KCNAB1: variants seen among roughly 807,000 people sequenced by gnomAD.
KCNAB1 encodes voltage-gated potassium channel subunit beta-1.
Under a neutral mutation model 64.6 loss-of-function variants are expected in KCNAB1, and 35 were observed. The observed-to-expected ratio is 0.54, with a 90% CI of 0.41 to 0.72. The LOEUF (loss-of-function observed/expected upper bound fraction) is 0.72. Among genes scored for constraint, KCNAB1 ranks in the 30% least tolerant of loss-of-function variants. KCNAB1 has a pLI of 0.00. For synonymous variants in KCNAB1, 177 were observed against 183.8 expected (o/e 0.96, Z 0.30); for missense variants, 401 against 512.9 (o/e 0.78, Z 2.11).
chr3:156,485,587 ATTT>A (rs1236298050), intron 8 of KCNAB1, among the ~76,000 whole-genome samples: 1 of 151,576 alleles, frequency 6.6e-6, no homozygotes, highest in Non-Finnish European at 1.5e-5. Context: ...TGACTGTTAA[ATTT>A]TTTTATTTTA....
At chr3:156,352,367 A>G (rs978497747) in intron 1 of KCNAB1, among the ~76,000 whole-genome samples, 1 of 152,144 alleles carries the variant, frequency 6.6e-6, no homozygotes, top group African/African-American at 2.4e-5. Context: ...CTTTCCCATC[A>G]ACTCTGAAGG....
intron 1 of KCNAB1, among the ~76,000 whole-genome samples, chr3:156,207,295 T>G (rs1323508430): frequency 6.6e-6 from 1 of 152,196 alleles, no homozygotes; most frequent in Non-Finnish European, 1.5e-5. Context: ...GTATTTATAC[T>G]CTCCTTGCAG....
rs144434286 is a variant in KCNAB1 at position 156,208,526 on chromosome 3, C to T, written c.275+87640C>T. ...ATTTCCAAATGACCCCTCTGAGTCA[C>T]TAACAGACTTGGCTAAGAACATCTC... On this transcript the variant is annotated intron_variant, in intron 1 of 13. Coordinates refer to ENST00000490337, the MANE Select transcript of KCNAB1 (RefSeq NM_172160.3). 2.8e-3 allele frequency among the ~76,000 whole-genome samples: 422 copies of T among 152,264 alleles called. 3 individuals are homozygous for T. Among genetic ancestry groups the T allele is most frequent in the African/African-American group, 9.4e-3 (390 of 41,532 alleles).
chr3:156,438,300 C>T (rs1008003959), intron 2 of KCNAB1, among the ~76,000 whole-genome samples: 1 of 152,186 alleles, frequency 6.6e-6, no homozygotes, highest in Non-Finnish European at 1.5e-5. Context: ...AGGGCAGATG[C>T]CACTTTTGAT....
At chr3:156,385,167 C>A (rs1712492614) in intron 1 of KCNAB1, among the ~76,000 whole-genome samples, 3 of 152,156 alleles carry the variant, frequency 2.0e-5, no homozygotes, top group Non-Finnish European at 4.4e-5. Flanking sequence ...CTTTCTAAAT[C>A]TGGGGCTTTG....
chr3:156,155,133 A>G (rs1298644727), intron 1 of KCNAB1, among the ~76,000 whole-genome samples: 1 of 152,192 alleles, frequency 6.6e-6, no homozygotes, highest in Non-Finnish European at 1.5e-5. Context: ...TTACAAAGCT[A>G]TTTTGTATGA....
chr3:156,143,160 T>C, intron 1 of KCNAB1: 3 of 1,568,938 alleles, frequency 1.9e-6, no homozygotes, highest in Non-Finnish European at 1.7e-6. Flanking sequence ...TTAGCTTTGC[T>C]TCCTTGGGTT....
chr3:156,363,500 G>A (rs1373490993), intron 1 of KCNAB1, among the ~76,000 whole-genome samples: 1 of 150,230 alleles, frequency 6.7e-6, no homozygotes, highest in East Asian at 2.0e-4. Flanking sequence ...TTTTGAGACA[G>A]CGTCTTGCTC....
chr3:156,152,279 G>A (rs1452765055), intron 1 of KCNAB1, among the ~76,000 whole-genome samples: 1 of 152,158 alleles, frequency 6.6e-6, no homozygotes, highest in Non-Finnish European at 1.5e-5. Context: ...CGTTAAGAGG[G>A]GTAAGGCCCT....
At chr3:156,126,121 C>T (rs2108258170) in intron 1 of KCNAB1, among the ~76,000 whole-genome samples, 1 of 151,860 alleles carries the variant, frequency 6.6e-6, no homozygotes, top group South Asian at 2.1e-4. Context: ...GAAGAGTGAG[C>T]AGAGGTGCAG....
At chr3:156,235,160 G>T (rs1007124297) in intron 1 of KCNAB1, among the ~76,000 whole-genome samples, 1 of 152,152 alleles carries the variant, frequency 6.6e-6, no homozygotes, top group Admixed American at 6.5e-5. Flanking sequence ...TGCTGAATTC[G>T]TACACATCAG....
chr3:156,311,444 G>A (rs1376467557), intron 1 of KCNAB1, among the ~76,000 whole-genome samples: 2 of 152,228 alleles, frequency 1.3e-5, no homozygotes, highest in Non-Finnish European at 2.9e-5. Flanking sequence ...GGAGAAGGTA[G>A]GGGTTGGGTC....
chr3:156,222,329 C>A (rs1393494316), intron 1 of KCNAB1, among the ~76,000 whole-genome samples: 1 of 152,146 alleles, frequency 6.6e-6, no homozygotes, highest in Non-Finnish European at 1.5e-5. Flanking sequence ...TTAAAAAAGA[C>A]AAAGAACACT....
intron 7 of KCNAB1, 176 bp from the exon 8 acceptor site, chr3:156,474,558 C>G: frequency 4.5e-6 from 2 of 446,842 alleles, no homozygotes; most frequent in Non-Finnish European, 4.1e-6. Flanking sequence ...GGGAAGTCAG[C>G]CTTTCATATA....
intron 1 of KCNAB1, among the ~76,000 whole-genome samples, chr3:156,293,356 T>C (rs1418128897): frequency 6.6e-6 from 1 of 152,256 alleles, no homozygotes; most frequent in Non-Finnish European, 1.5e-5. Flanking sequence ...TATCTAACTA[T>C]CTCTTGTCTT....
intron 1 of KCNAB1, among the ~76,000 whole-genome samples, chr3:156,377,941 A>G (rs1380494247): frequency 6.6e-6 from 1 of 152,106 alleles, no homozygotes; most frequent in East Asian, 1.9e-4. Context: ...TCACATGCAG[A>G]GAGACACTGT....
At chr3:156,511,728 C>T (rs115943436) in intron 8 of KCNAB1, among the ~76,000 whole-genome samples, 1,833 of 152,328 alleles carry the variant, frequency 0.012, 41 homozygotes, top group African/African-American at 0.042. Context: ...TCCTCCAGTC[C>T]TCCCTGTTAC....
chr3:156,370,562 C>T (rs765868676), intron 1 of KCNAB1, among the ~76,000 whole-genome samples: 5 of 152,174 alleles, frequency 3.3e-5, no homozygotes, highest in Non-Finnish European at 7.3e-5. Context: ...CATTCAAAAA[C>T]ACATCTTAAT....
intron 8 of KCNAB1, among the ~76,000 whole-genome samples, chr3:156,510,984 GA>G (rs1366199641): frequency 5.9e-5 from 9 of 152,118 alleles, no homozygotes; most frequent in Non-Finnish European, 1.2e-4. Flanking sequence ...CCATTTTCAT[GA>G]ATTTAAATAT....
Sources: allele counts gnomAD v4.1 joint callset (sites outside exome capture counted in the v4.1 genomes callset), GRCh38; gene constraint gnomAD v4.1.1; transcripts MANE v1.5; gene names NCBI Gene and HGNC (gene_info 2026-07-23, HGNC 2026-07-21).